The following ARHGAP44 variants were observed in gnomAD, a reference collection of about 807,000 sequenced individuals.
ARHGAP44 encodes the protein rho GTPase-activating protein 44.
ARHGAP44 carries 43 observed loss-of-function variants against 106.8 expected under a neutral mutation model. That is an observed-to-expected ratio of 0.40 (90% CI 0.32 to 0.52). The LOEUF is 0.52. Among genes scored for constraint, ARHGAP44 ranks in the 20% least tolerant of loss-of-function variants. The pLI, the probability that ARHGAP44 is intolerant of heterozygous loss-of-function variation, is 0.48. For missense variants in ARHGAP44, 866 were observed against 1,050.5 expected (o/e 0.82, Z 2.43); for synonymous variants, 439 against 410.3 (o/e 1.07, Z -0.85).
At position 12,984,989 on chromosome 17, in the gene ARHGAP44, G is replaced by A. The variant is rs2143451093; in HGVS notation, c.2317+81G>A. ...TAGGGGAGGGATTGCTAGTGTTACT[G>A]CCAGTGAACACATTCCTGCGTGCTT... On this transcript the variant is annotated intron_variant, in intron 20 of 20. Transcript: ENST00000379672. 4 of 1,491,120 alleles carry A rather than the reference G, an allele frequency of 2.7e-6. No homozygotes were observed. In the African/African-American group the frequency reaches 4.2e-5, roughly 16 times the overall value. 92.4% of individuals were successfully genotyped at this position (1,491,120 alleles called of 1,614,324 possible). A position where few individuals can be genotyped will look rare whatever the true frequency, so the allele number is the denominator to read the frequency against.
intron 6 of ARHGAP44, among the ~76,000 whole-genome samples, chr17:12,927,906 A>G (rs2038293670): frequency 6.6e-6 from 1 of 152,178 alleles, no homozygotes; most frequent in Non-Finnish European, 1.5e-5. Flanking sequence ...ACTAGTTTTT[A>G]AGATAATGGC....
intron 7 of ARHGAP44, among the ~76,000 whole-genome samples, chr17:12,931,836 A>G (rs1243890903): frequency 9.1e-6 from 1 of 110,144 alleles, no homozygotes; most frequent in Non-Finnish European, 1.8e-5. Context: ...ATTCCACAGT[A>G]GGGATACACA....
rs200024961 is a variant in ARHGAP44, at chr17:12,948,751, C to CACACACACACACACACACACACACACA, written c.862-389_862-388insACACACACACACACACACACACACACA. The stretch of plus-strand genomic sequence containing the variant: ...ACACACACACACACACACACACACA[C>CACACACACACACACACACACACACACA]CCCCTGTAGACCTCCTCACATTCAA... On this transcript the variant is annotated intron_variant, in intron 10 of 20. Transcript: ENST00000379672. 6.9e-4 allele frequency among the ~76,000 whole-genome samples: 102 copies of CACACACACACACACACACACACACACA among 147,766 alleles called. 6 individuals are homozygous for CACACACACACACACACACACACACACA. Among genetic ancestry groups the CACACACACACACACACACACACACACA allele is most frequent in the South Asian group, 8.5e-4 (4 of 4,706 alleles).
intron 10 of ARHGAP44, among the ~76,000 whole-genome samples, chr17:12,945,124 C>T (rs1186338900): frequency 1.3e-5 from 2 of 152,000 alleles, no homozygotes; most frequent in African/African-American, 4.8e-5. Flanking sequence ...GATTCTCCTG[C>T]CTCAGCCTCA....
At chr17:12,795,171 A>G (rs2033882739) in intron 1 of ARHGAP44, among the ~76,000 whole-genome samples, 1 of 152,234 alleles carries the variant, frequency 6.6e-6, no homozygotes, top group African/African-American at 2.4e-5. Context: ...CGCTGTGCAC[A>G]TTGAATGGGT....
At chr17:12,846,486 A>G (rs538629770) in intron 1 of ARHGAP44, among the ~76,000 whole-genome samples, 24 of 152,242 alleles carry the variant, frequency 1.6e-4, no homozygotes, top group Non-Finnish European at 1.5e-4. Flanking sequence ...TAGCCCATGT[A>G]GGTGTGTTGT....
intron 19 of ARHGAP44, among the ~76,000 whole-genome samples, chr17:12,980,585 C>T (rs1274398710): frequency 7.2e-5 from 11 of 152,164 alleles, no homozygotes; most frequent in Non-Finnish European, 1.6e-4. Context: ...CTACAGGAGT[C>T]TCCTTCCCCG....
chr17:12,970,842 A>C (rs2039512162), intron 16 of ARHGAP44, among the ~76,000 whole-genome samples: 1 of 152,226 alleles, frequency 6.6e-6, no homozygotes, highest in Non-Finnish European at 1.5e-5. Flanking sequence ...TCTTGGCAGC[A>C]TACTGAGCAA....
chr17:12,970,395 G>GA (rs1407037018), intron 16 of ARHGAP44, among the ~76,000 whole-genome samples: 7 of 141,438 alleles, frequency 4.9e-5, no homozygotes, highest in African/African-American at 1.8e-4. Context: ...AAAAGAAAAA[G>GA]AAGAGAAGAG....
chr17:12,852,987 G>A (rs886994315), intron 1 of ARHGAP44, among the ~76,000 whole-genome samples: 4 of 152,158 alleles, frequency 2.6e-5, no homozygotes, highest in African/African-American at 9.7e-5. Flanking sequence ...TTCTCTAGAG[G>A]GACAGGACTG....
intron 3 of ARHGAP44, among the ~76,000 whole-genome samples, chr17:12,902,315 C>T (rs1279780782): frequency 6.6e-6 from 1 of 152,164 alleles, no homozygotes; most frequent in Non-Finnish European, 1.5e-5. Context: ...TGCTCTTACC[C>T]AGCATTTCAA....
intron 16 of ARHGAP44, among the ~76,000 whole-genome samples, chr17:12,971,735 T>C (rs915142415): frequency 4.6e-5 from 7 of 152,242 alleles, no homozygotes; most frequent in South Asian, 2.1e-4. Flanking sequence ...TTGGAAACTA[T>C]TGGGTCCAGG....
intron 1 of ARHGAP44, among the ~76,000 whole-genome samples, chr17:12,867,653 C>T (rs1410126171): frequency 1.3e-5 from 2 of 152,180 alleles, no homozygotes; most frequent in Non-Finnish European, 2.9e-5. Flanking sequence ...CTTTGGGAGT[C>T]ATGGAATCTA....
chr17:12,858,870 G>T (rs548151477), intron 1 of ARHGAP44, among the ~76,000 whole-genome samples: 1 of 152,180 alleles, frequency 6.6e-6, no homozygotes, highest in South Asian at 2.1e-4. Context: ...AAGGTGAAAG[G>T]CACGTCTTAC....
At chr17:12,879,364 A>T (rs1055957584) in intron 1 of ARHGAP44, among the ~76,000 whole-genome samples, 2 of 152,106 alleles carry the variant, frequency 1.3e-5, no homozygotes, top group Non-Finnish European at 2.9e-5. Flanking sequence ...TTATCCACTC[A>T]TTGATCAGTG....
intron 1 of ARHGAP44, among the ~76,000 whole-genome samples, chr17:12,811,244 C>T (rs868832272): frequency 2.7e-5 from 4 of 148,040 alleles, no homozygotes; most frequent in African/African-American, 7.6e-5. Flanking sequence ...GCCTGGGAGG[C>T]GGAGCTTGCA....
At position 12,934,427 on chromosome 17, in the gene ARHGAP44, C is replaced by T. The variant is rs142738709; in HGVS notation, c.582+5381C>T. ...ACAATTCCTTACTACAAAATTAGTG[C>T]CATGTCATGGGAAGTAAATGAGATG... On this transcript the variant is annotated intron_variant, in intron 7 of 20. Coordinates refer to ENST00000379672, the MANE Select transcript of ARHGAP44 (RefSeq NM_014859.6). Among the ~76,000 whole-genome samples the T allele has an allele frequency of 6.0e-3, 921 of 152,262 alleles. 8 individuals carry two copies. Among genetic ancestry groups the T allele is most frequent in the Middle Eastern group, 6.8e-3 (2 of 294 alleles).
intron 1 of ARHGAP44, among the ~76,000 whole-genome samples, chr17:12,825,271 C>T (rs1380193444): frequency 2.0e-5 from 3 of 152,070 alleles, no homozygotes; most frequent in Admixed American, 2.0e-4. Context: ...CTCCTGGACT[C>T]AAGCCATCTT....
At chr17:12,884,346 A>G (rs893527869) in intron 1 of ARHGAP44, among the ~76,000 whole-genome samples, 1 of 152,190 alleles carries the variant, frequency 6.6e-6, no homozygotes, top group African/African-American at 2.4e-5. Context: ...ACTTTTTATT[A>G]TATTGTCTGT....
Sources: allele counts gnomAD v4.1 joint callset (sites outside exome capture counted in the v4.1 genomes callset), GRCh38; gene constraint gnomAD v4.1.1; transcripts MANE v1.5; gene names NCBI Gene and HGNC (gene_info 2026-07-23, HGNC 2026-07-21).